The following ACP7 variants were observed in gnomAD, a reference collection of about 807,000 sequenced individuals.
ACP7 encodes acid phosphatase 7, tartrate resistant (putative).
ACP7 carries 58 observed loss-of-function variants against 60.6 expected under a neutral mutation model. The observed-to-expected ratio is 0.96, with a 90% CI of 0.77 to 1.19. The LOEUF is 1.19. Ranked by LOEUF, ACP7 falls within the 50% of genes most tolerant of loss-of-function variation. The pLI, the probability that ACP7 is intolerant of heterozygous loss-of-function variation, is 0.00. For missense variants in ACP7, 574 were observed against 596.2 expected (o/e 0.96, Z 0.39); for synonymous variants, 237 against 232.6 (o/e 1.02, Z -0.17).
At chr19:39,095,510 C>T (rs2073255512) in intron 2 of ACP7, among the ~76,000 whole-genome samples, 1 of 152,228 alleles carries the variant, frequency 6.6e-6, no homozygotes, top group South Asian at 2.1e-4. Context: ...GCCCCTGTGG[C>T]TTTGCAGGGT....
At chr19:39,101,437 C>T (rs1052656482) in intron 10 of ACP7, 29 bp from the exon 11 acceptor site, 5 of 1,613,944 alleles carry the variant, frequency 3.1e-6, no homozygotes, top group Non-Finnish European at 4.2e-6. Context: ...GAGTGACTGC[C>T]TGCCACCCAA....
chr19:39,104,106 A>G (rs951314081), intron 11 of ACP7, among the ~76,000 whole-genome samples: 1 of 151,026 alleles, frequency 6.6e-6, no homozygotes, highest in Non-Finnish European at 1.5e-5. Context: ...ATCATTATAT[A>G]TATGTATACA....
intron 12 of ACP7, among the ~76,000 whole-genome samples, chr19:39,108,406 G>A (rs1011318660): frequency 6.6e-6 from 1 of 152,054 alleles, no homozygotes; most frequent in African/African-American, 2.4e-5. Flanking sequence ...CTCCCAAAGT[G>A]CTGGGATTAC....
chr19:39,109,709 AG>A (rs1300958867), intron 12 of ACP7, among the ~76,000 whole-genome samples: 11 of 142,950 alleles, frequency 7.7e-5, no homozygotes, highest in South Asian at 2.3e-4. Flanking sequence ...AAAAAAAAAA[AG>A]GAGAGAGAGA....
chr19:39,085,727 A>G (rs2073134270), intron 2 of ACP7, among the ~76,000 whole-genome samples: 1 of 152,210 alleles, frequency 6.6e-6, no homozygotes, highest in Admixed American at 6.5e-5. Flanking sequence ...GGAAGGAACC[A>G]GTGGATGAAT....
At position 39,110,843 on chromosome 19, in the gene ACP7, T is replaced by C. The variant is rs2073462864; in HGVS notation, c.*725T>C. ...ATCATAATTTATTGAGCATCTACCA[T>C]GTGCCAGGCTCTGTTCTCAGTGCTG... On this transcript the variant is annotated 3_prime_UTR_variant, in exon 13 of 13. Coordinates refer to ENST00000331256, the MANE Select transcript of ACP7 (RefSeq NM_001004318.3). The C allele has an allele frequency of 6.6e-6, 1 of 152,218 alleles. No homozygotes were observed. The highest frequency in any genetic ancestry group is 1.5e-5 in the Non-Finnish European group (1 of 68,038). 9.4% of individuals were successfully genotyped at this position (152,218 alleles called of 1,614,324 possible).
intron 2 of ACP7, among the ~76,000 whole-genome samples, chr19:39,090,867 G>GA (rs1473178185): frequency 8.3e-5 from 12 of 145,382 alleles, no homozygotes; most frequent in Non-Finnish European, 1.5e-4. Flanking sequence ...TTTATTATAA[G>GA]AAAGAGCTGT....
chr19:39,102,785 CTCTCTCTCTT>C (rs1600269847), intron 11 of ACP7, among the ~76,000 whole-genome samples: 2 of 117,422 alleles, frequency 1.7e-5, no homozygotes, highest in East Asian at 4.8e-4. Flanking sequence ...CTCTCTTTCT[CTCTCTCTCTT>C]TCTTTCTTTC....
At chr19:39,086,803 G>C (rs1460946901) in intron 2 of ACP7, among the ~76,000 whole-genome samples, 4 of 152,090 alleles carry the variant, frequency 2.6e-5, no homozygotes. Context: ...AAGAGCTTTA[G>C]TTTATGTGCA....
chr19:39,092,621 C>T (rs917678826), intron 2 of ACP7, among the ~76,000 whole-genome samples: 6 of 151,890 alleles, frequency 4.0e-5, no homozygotes, highest in Non-Finnish European at 7.4e-5. Context: ...TTGGGTTCCC[C>T]CCACACCCTG....
intron 11 of ACP7, among the ~76,000 whole-genome samples, chr19:39,102,409 C>T (rs1485772340): frequency 2.0e-5 from 3 of 150,292 alleles, no homozygotes; most frequent in Admixed American, 1.3e-4. Context: ...CGGAGTCTTG[C>T]TCTGTTGCCC....
intron 2 of ACP7, among the ~76,000 whole-genome samples, chr19:39,086,646 G>C (rs956679557): frequency 2.7e-4 from 40 of 145,704 alleles, no homozygotes; most frequent in East Asian, 1.5e-3. Flanking sequence ...AAAAAAGGGG[G>C]GGGGGAGGGG....
At chr19:39,092,374 A>G (rs944283000) in intron 2 of ACP7, among the ~76,000 whole-genome samples, 151 of 22,718 alleles carry the variant, frequency 6.6e-3, no homozygotes, top group East Asian at 0.029. Flanking sequence ...AACTCTGTAT[A>G]TATATATATA....
At chr19:39,108,222 C>A (rs912132355) in intron 12 of ACP7, among the ~76,000 whole-genome samples, 2 of 151,390 alleles carry the variant, frequency 1.3e-5, no homozygotes, top group African/African-American at 4.9e-5. Flanking sequence ...TTACTGCAAC[C>A]GCCACCTCCC....
chr19:39,102,715 T>TTACTTTCTTTC (rs1555769415), intron 11 of ACP7, among the ~76,000 whole-genome samples: 3,096 of 118,662 alleles, frequency 0.026, 79 homozygotes, highest in East Asian at 0.074. Context: ...CAATGAAGAC[T>TTACTTTCTTTC]TTTCTTTCTT....
rs1600278449 is a variant in ACP7 at position 39,110,442 on chromosome 19, C to T, written c.*324C>T. The T allele has an allele frequency of 3.7e-6, 1 of 267,756 alleles. No individual in the cohort carries two copies. The highest frequency in any genetic ancestry group is 7.4e-5 in the East Asian group (1 of 13,514). 16.6% of individuals were successfully genotyped at this position (267,756 alleles called of 1,614,324 possible). A position where few individuals can be genotyped will look rare whatever the true frequency, so the allele number is the denominator to read the frequency against. On this transcript the variant is annotated 3_prime_UTR_variant, in exon 13 of 13. Transcript: ENST00000331256. ...GGCTTCAGGAATGAAGAGGCTTAAG[C>T]TCTGGCTCCATGGATTCTGCACATC...
At chr19:39,090,309 C>T (rs1361406552) in intron 2 of ACP7, among the ~76,000 whole-genome samples, 4 of 151,856 alleles carry the variant, frequency 2.6e-5, no homozygotes, top group Admixed American at 1.3e-4. Context: ...GCGGGGATTA[C>T]AGGCGCACGC....
chr19:39,099,761 G>A (rs2073317424), intron 4 of ACP7, among the ~76,000 whole-genome samples: 1 of 151,590 alleles, frequency 6.6e-6, no homozygotes, highest in South Asian at 2.1e-4. Flanking sequence ...GTGAGGCCAA[G>A]GTGGGTGGAT....
chr19:39,085,148 C>T lies in ACP7; in HGVS notation c.-122C>T. 1.5e-6 allele frequency: 2 copies of T among 1,307,762 alleles called. No individual in the cohort carries two copies. Among genetic ancestry groups the T allele is most frequent in the Non-Finnish European group, 1.0e-6 (1 of 960,398 alleles). 81.0% of individuals were successfully genotyped at this position (1,307,762 alleles called of 1,614,324 possible). A position where few individuals can be genotyped will look rare whatever the true frequency, so the allele number is the denominator to read the frequency against. ...CTCCCTGCCCTGCCTCTGTTGTCCC[C>T]CAGAGCACTGCCTGATCATCCTCTG... On this transcript the variant is annotated 5_prime_UTR_variant, in exon 2 of 13. Transcript: ENST00000331256.
Sources: gnomAD v4.1 joint callset for allele counts (sites outside exome capture counted in the v4.1 genomes callset) on GRCh38, gnomAD v4.1.1 for gene constraint, MANE v1.5 for transcripts, NCBI Gene and HGNC (gene_info 2026-07-23, HGNC 2026-07-21) for gene names.